GPR19: variants seen among roughly 807,000 people sequenced by gnomAD.
GPR19 encodes G protein-coupled receptor 19.
GPR19 carries 14 observed loss-of-function variants against 28.5 expected under a neutral mutation model. The ratio of observed to expected loss-of-function variants is 0.49; its 90% CI spans 0.32 to 0.77. The LOEUF is 0.77. GPR19 is among the 30% of genes least tolerant of loss of function. The pLI, the probability that GPR19 is intolerant of heterozygous loss-of-function variation, is 0.03. For synonymous variants in GPR19, 173 were observed against 184.1 expected (o/e 0.94, Z 0.49); for missense variants, 409 against 504.1 (o/e 0.81, Z 1.81).
At chr12:12,698,250 G>T (rs1451346599), upstream of GPR19, among the ~76,000 whole-genome samples, 1 of 152,192 alleles carries the variant, frequency 6.6e-6, no homozygotes, top group East Asian at 1.9e-4. Context: ...TCTTTGGTGA[G>T]TAACAGAAAC....
At chr12:12,688,345 G>A (rs1031263454) in intron 2 of GPR19, among the ~76,000 whole-genome samples, 6 of 149,822 alleles carry the variant, frequency 4.0e-5, no homozygotes, top group East Asian at 2.0e-4. Flanking sequence ...ATATAATGTC[G>A]AGTTTTTTTT....
At chr12:12,668,017 T>C (rs1359582605) in intron 3 of GPR19, among the ~76,000 whole-genome samples, 1 of 152,220 alleles carries the variant, frequency 6.6e-6, no homozygotes, top group Admixed American at 6.5e-5. Flanking sequence ...AATGGGCCTC[T>C]CTCTCTGGGA....
chr12:12,694,188 C>CTTTTTTTTTT (rs147543699), intron 2 of GPR19, among the ~76,000 whole-genome samples: 939 of 43,874 alleles, frequency 0.021, 169 homozygotes, highest in Middle Eastern at 0.038. Flanking sequence ...GAGTACCTGT[C>CTTTTTTTTTT]TTTTTTTTTT....
At chr12:12,664,236 C>T (rs1432980406) in intron 3 of GPR19, among the ~76,000 whole-genome samples, 2 of 152,138 alleles carry the variant, frequency 1.3e-5, no homozygotes, top group Non-Finnish European at 2.9e-5. Context: ...GTGATTCGCC[C>T]GCCTTGGCCT....
intron 3 of GPR19, 200 bp downstream of exon 3, chr12:12,684,151 A>G (rs1028636136): frequency 3.9e-5 from 6 of 152,098 alleles, no homozygotes; most frequent in African/African-American, 1.2e-4. Context: ...TTTCCATCCA[A>G]TTTTTCAACT....
chr12:12,709,213 C>A, the GPR19 span, among the ~76,000 whole-genome samples: 1 of 151,350 alleles, frequency 6.6e-6, no homozygotes, highest in Non-Finnish European at 1.5e-5. Context: ...ACTAATAGAA[C>A]GTAAATGTAG....
chr12:12,701,656 C>A, the GPR19 span, among the ~76,000 whole-genome samples: 1 of 152,108 alleles, frequency 6.6e-6, no homozygotes, highest in Non-Finnish European at 1.5e-5. Flanking sequence ...AAAGGCCAGG[C>A]CAGGTGGCTC....
chr12:12,682,913 T>C (rs1946043159), intron 3 of GPR19, among the ~76,000 whole-genome samples: 1 of 152,206 alleles, frequency 6.6e-6, no homozygotes, highest in Non-Finnish European at 1.5e-5. Context: ...TTGCAAAAGA[T>C]ACCTATTCCC....
rs766153148 is a variant in GPR19, at chr12:12,662,254, C to T, written c.195G>A (p.Val65=). ...TCCCAAAGAAGATGCTGGCTGTGGC[C>T]ACTTCCCCGGGTTTCAGCACATAGT... ...DLHYVLKPGE[V]ATASIFFGIL... Residue 65 remains valine, a synonymous_variant, in exon 4 of 4, where the codon GTG becomes GTA. Coordinates refer to ENST00000651487, the MANE Select transcript of GPR19 (RefSeq NM_006143.3). 10 of 1,614,220 alleles carry T rather than the reference C, an allele frequency of 6.2e-6. No homozygotes were observed. The highest frequency in any genetic ancestry group is 1.7e-5 in the Admixed American group (1 of 60,026).
At chr12:12,685,377 G>A (rs1946080811) in intron 2 of GPR19, among the ~76,000 whole-genome samples, 1 of 151,804 alleles carries the variant, frequency 6.6e-6, no homozygotes, top group Admixed American at 6.6e-5. Context: ...ATTCTGGGGT[G>A]TACAAGTCTA....
chr12:12,705,708 C>A, the GPR19 span, among the ~76,000 whole-genome samples: 1 of 152,004 alleles, frequency 6.6e-6, no homozygotes, highest in Non-Finnish European at 1.5e-5. Context: ...CCACCACACA[C>A]CCAGCTGATT....
intron 3 of GPR19, among the ~76,000 whole-genome samples, chr12:12,676,731 C>CT (rs1447721658): frequency 1.3e-5 from 2 of 152,230 alleles, no homozygotes; most frequent in Non-Finnish European, 1.5e-5. Context: ...CGAGTGTCCT[C>CT]TGTCAGTTTC....
chr12:12,707,010 G>C, the GPR19 span, among the ~76,000 whole-genome samples: 1 of 152,158 alleles, frequency 6.6e-6, no homozygotes, highest in South Asian at 2.1e-4. Context: ...CTTTACCATG[G>C]CTTATAAAGT....
intron 3 of GPR19, among the ~76,000 whole-genome samples, chr12:12,682,047 G>T (rs1045904182): frequency 6.6e-6 from 1 of 152,212 alleles, no homozygotes; most frequent in Non-Finnish European, 1.5e-5. Context: ...GATTAGGAGA[G>T]AATTGCCTGA....
At chr12:12,703,498 C>A in the GPR19 span, 2 of 878,516 alleles carry the variant, frequency 2.3e-6, no homozygotes, top group Middle Eastern at 5.8e-4. Flanking sequence ...TTCTAGACAT[C>A]TTTGCCATAG....
At chr12:12,707,774 AG>A in the GPR19 span, among the ~76,000 whole-genome samples, 2 of 152,000 alleles carry the variant, frequency 1.3e-5, no homozygotes, top group African/African-American at 4.8e-5. Context: ...GCTGGAGTGC[AG>A]TGGTGCCATC....
At chr12:12,706,247 T>C in the GPR19 span, among the ~76,000 whole-genome samples, 2 of 152,358 alleles carry the variant, frequency 1.3e-5, no homozygotes, top group East Asian at 3.9e-4. Flanking sequence ...ATCAGTGGCA[T>C]TGGAATCATT....
chr12:12,687,029 C>A (rs1465569248), intron 2 of GPR19, among the ~76,000 whole-genome samples: 1 of 152,172 alleles, frequency 6.6e-6, no homozygotes, highest in East Asian at 1.9e-4. Flanking sequence ...TTACTTTTGA[C>A]ATTGGAAGAA....
At chr12:12,665,350 G>A (rs948976790) in intron 3 of GPR19, among the ~76,000 whole-genome samples, 1 of 152,162 alleles carries the variant, frequency 6.6e-6, no homozygotes, top group Non-Finnish European at 1.5e-5. Context: ...TTACACCCAT[G>A]AGTCTGTCTG....
Sources: allele counts gnomAD v4.1 joint callset (sites outside exome capture counted in the v4.1 genomes callset), GRCh38; gene constraint gnomAD v4.1.1; transcripts MANE v1.5; gene names NCBI Gene and HGNC (gene_info 2026-07-23, HGNC 2026-07-21).